FAM72A: variants seen among roughly 807,000 people sequenced by gnomAD.
FAM72A encodes the protein protein FAM72A.
A neutral mutation model predicts 11.3 loss-of-function variants in FAM72A; 1 was observed. That is an observed-to-expected ratio of 0.09 (90% CI 0.03 to 0.42). The LOEUF (loss-of-function observed/expected upper bound fraction) is 0.42, where lower values mean the gene tolerates loss of function less well. FAM72A is among the 10% of genes least tolerant of loss of function. The probability of loss-of-function intolerance (pLI) is 0.98; values close to 1 mark genes in which losing one functional copy is unlikely to be tolerated. For synonymous variants in FAM72A, 5 were observed against 46.9 expected, an observed-to-expected ratio of 0.11 and a Z score of 3.65; for missense variants, 15 against 135.5, an observed-to-expected ratio of 0.11 and a Z score of 4.41.
At chr1:206,198,080 TG>T in intron 2 of FAM72A, among the ~76,000 whole-genome samples, 1 of 150,990 alleles carries the variant, frequency 6.6e-6, no homozygotes, top group Non-Finnish European at 1.5e-5. Context: ...ATTAGCTGGG[TG>T]GGCTGGGTGC....
At chr1:206,203,782 C>T (rs1470660112), upstream of FAM72A, 13 of 1,520,104 alleles carry the variant, frequency 8.6e-6, no homozygotes, top group Non-Finnish European at 1.2e-5. Flanking sequence ...CGGTGCCGCC[C>T]GGAATCCCTC....
upstream of FAM72A, chr1:206,203,314 C>T (rs1452653958): frequency 7.4e-4 from 295 of 399,058 alleles, 1 homozygote; most frequent in Non-Finnish European, 1.2e-3. Flanking sequence ...ATCAGTTCTA[C>T]TTAGGGGTTC....
intron 2 of FAM72A, among the ~76,000 whole-genome samples, chr1:206,196,764 G>A (rs1328881781): frequency 6.7e-6 from 1 of 150,000 alleles, no homozygotes; most frequent in East Asian, 1.9e-4. Context: ...TTATCCAGCT[G>A]ATTATAAGTA....
At chr1:206,198,451 T>C (rs1553298669) in intron 2 of FAM72A, among the ~76,000 whole-genome samples, 1 of 146,898 alleles carries the variant, frequency 6.8e-6, no homozygotes. Flanking sequence ...CTTGTAACAA[T>C]GACTACCACA....
intron 2 of FAM72A, among the ~76,000 whole-genome samples, chr1:206,197,987 AG>A (rs1665157671): frequency 6.7e-6 from 1 of 148,270 alleles, no homozygotes; most frequent in Non-Finnish European, 1.5e-5. Flanking sequence ...TGGGAGGCCG[AG>A]GCAGGTGGAT....
chr1:206,188,851 CA>C (rs531197110), intron 3 of FAM72A, among the ~76,000 whole-genome samples: 1,599 of 144,298 alleles, frequency 0.011, 36 homozygotes, highest in African/African-American at 0.039. Context: ...AGTGTGGACA[CA>C]AAGAGGATCC....
chr1:206,191,578 C>T (rs1432064322), intron 3 of FAM72A, among the ~76,000 whole-genome samples: 7 of 144,120 alleles, frequency 4.9e-5, no homozygotes, highest in Admixed American at 7.1e-5. Context: ...CACCATTGCA[C>T]ATCAGCCTGG....
At chr1:206,192,987 C>T (rs1460977207) in intron 3 of FAM72A, among the ~76,000 whole-genome samples, 1 of 150,682 alleles carries the variant, frequency 6.6e-6, no homozygotes, top group African/African-American at 2.4e-5. Context: ...GATCTTGGCT[C>T]ACCGCAACCT....
intron 3 of FAM72A, among the ~76,000 whole-genome samples, chr1:206,193,667 G>A (rs1224513715): frequency 6.6e-5 from 10 of 152,256 alleles, no homozygotes; most frequent in African/African-American, 1.2e-4. Context: ...CTCATTTACC[G>A]TTCCGAAATT....
intron 3 of FAM72A, among the ~76,000 whole-genome samples, chr1:206,190,514 C>G (rs1553297400): frequency 6.7e-6 from 1 of 149,262 alleles, no homozygotes; most frequent in Non-Finnish European, 1.5e-5. Flanking sequence ...CATTTAAGTT[C>G]TAAAGGAGAC....
chr1:206,198,906 C>CT (rs1345727949), intron 2 of FAM72A, among the ~76,000 whole-genome samples: 3 of 94,106 alleles, frequency 3.2e-5, no homozygotes, highest in East Asian at 6.5e-4. Context: ...CCTGTCTCTA[C>CT]TAAAAAAAAA....
At chr1:206,197,858 G>A (rs1234789576) in intron 2 of FAM72A, among the ~76,000 whole-genome samples, 2 of 151,420 alleles carry the variant, frequency 1.3e-5, no homozygotes, top group East Asian at 2.0e-4. Flanking sequence ...AGGTTGCAGT[G>A]AGCCGAGATC....
chr1:206,198,118 C>G (rs1553298608), intron 2 of FAM72A, among the ~76,000 whole-genome samples: 1 of 151,022 alleles, frequency 6.6e-6, no homozygotes, highest in African/African-American at 2.5e-5. Flanking sequence ...AATCCTAGCA[C>G]TTAGGGAGGC....
chr1:206,196,831 G>A (rs1665087552), intron 2 of FAM72A, among the ~76,000 whole-genome samples: 1 of 150,142 alleles, frequency 6.7e-6, no homozygotes, highest in African/African-American at 2.5e-5. Flanking sequence ...ATATTAAATA[G>A]AGTGAACCTA....
chr1:206,198,879 G>A (rs1193531840), intron 2 of FAM72A, among the ~76,000 whole-genome samples: 8 of 123,942 alleles, frequency 6.5e-5, no homozygotes, highest in Non-Finnish European at 1.1e-4. Flanking sequence ...AGAGCAGCCT[G>A]ACCAACATGG....
chr1:206,196,779 A>G (rs1665080784), intron 2 of FAM72A, among the ~76,000 whole-genome samples: 2 of 151,198 alleles, frequency 1.3e-5, no homozygotes, highest in African/African-American at 2.4e-5. Flanking sequence ...TAAGTACCTC[A>G]GTCTTTCACA....
At chr1:206,188,388 TAC>T in intron 3 of FAM72A, among the ~76,000 whole-genome samples, 1 of 151,770 alleles carries the variant, frequency 6.6e-6, no homozygotes, top group Non-Finnish European at 1.5e-5. Flanking sequence ...TGACTAAACA[TAC>T]AGTAGAGGAT....
intron 3 of FAM72A, among the ~76,000 whole-genome samples, chr1:206,191,349 CTGTAATCCCA>C (rs1472564346): frequency 1.8e-5 from 2 of 112,010 alleles, no homozygotes; most frequent in African/African-American, 8.2e-5. Context: ...TGACTCACGT[CTGTAATCCCA>C]TGTAATCCCA....
upstream of FAM72A, chr1:206,204,869 A>G (rs1193652093): frequency 7.8e-6 from 1 of 128,696 alleles, no homozygotes; most frequent in African/African-American, 3.5e-5. Context: ...GTTTTCCTGG[A>G]TGTGTCCCGT....
Sources: gnomAD v4.1 joint callset for allele counts (sites outside exome capture counted in the v4.1 genomes callset) on GRCh38, gnomAD v4.1.1 for gene constraint, MANE v1.5 for transcripts, NCBI Gene and HGNC (gene_info 2026-07-23, HGNC 2026-07-21) for gene names.